The following GTSE1 variants were observed in gnomAD, a reference collection of about 807,000 sequenced individuals.
GTSE1 encodes the protein G2 and S-phase expressed 1.
In GTSE1, 52 loss-of-function variants were observed where a neutral mutation model predicts 60.5. The observed-to-expected ratio is 0.86, with a 90% CI of 0.69 to 1.08. The LOEUF (loss-of-function observed/expected upper bound fraction) is 1.08, where lower values mean the gene tolerates loss of function less well. Ranked by LOEUF, GTSE1 falls within the 50% of genes least tolerant of loss-of-function variation. GTSE1 has a pLI of 0.00. For missense variants in GTSE1, 937 were observed against 961.8 expected, an observed-to-expected ratio of 0.97 and a Z score of 0.34; for synonymous variants, 368 against 386.5, an observed-to-expected ratio of 0.95 and a Z score of 0.56.
chr22:46,301,400 A>T (rs2077688242), intron 2 of GTSE1, among the ~76,000 whole-genome samples: 1 of 152,124 alleles, frequency 6.6e-6, no homozygotes, highest in African/African-American at 2.4e-5. Flanking sequence ...CTCTTTCCCC[A>T]CAACCTTGCC....
rs186208806 is a variant in GTSE1 at position 46,324,208 on chromosome 22, C to T, written c.1505+946C>T. On this transcript the variant is annotated intron_variant, in intron 8 of 11. Coordinates refer to ENST00000454366, the MANE Select transcript of GTSE1 (RefSeq NM_016426.7). This position sits in a 1 kb window ranked among gnomAD's most constrained non-coding sequence, Gnocchi z 5.2. Reference sequence around the variant, plus strand: ...GAACTAGCCAGTCCCTCACGTGCTGCGCATGGTGCCATGCTAAGCTGCCGT... The same window carrying T: ...GAACTAGCCAGTCCCTCACGTGCTGTGCATGGTGCCATGCTAAGCTGCCGT... Among the ~76,000 whole-genome samples the T allele has an allele frequency of 4.6e-5, 7 of 152,262 alleles. No homozygotes were observed. The highest frequency in any genetic ancestry group is 6.5e-5 in the Admixed American group (1 of 15,288).
At position 46,329,228 on chromosome 22, in the gene GTSE1, C is replaced by A; in HGVS notation, c.1927-130C>A. 1 of 801,204 alleles carries A rather than the reference C, an allele frequency of 1.2e-6. No homozygotes were observed. Among genetic ancestry groups the A allele is most frequent in the Non-Finnish European group, 2.2e-6 (1 of 464,844 alleles). The allele number at this position is 801,204 out of a possible 1,614,324, so 49.6% of individuals were successfully genotyped here. On this transcript the variant is annotated intron_variant, in intron 10 of 11. Coordinates refer to ENST00000454366, the MANE Select transcript of GTSE1 (RefSeq NM_016426.7). The surrounding 1 kb of genome is among the most constrained non-coding windows in gnomAD (Gnocchi z 6.4). ...CACCCCATACAGAGCCTCCTTCCAC[C>A]AAGGCCCCGCCTGATTCCTTGGCTT...
Position 46,329,129 on chromosome 22 carries a change from G to C in GTSE1, c.1927-229G>C. 1 of 626,056 alleles carries C rather than the reference G, an allele frequency of 1.6e-6. No homozygotes were observed. Among genetic ancestry groups the C allele is most frequent in the Non-Finnish European group, 2.8e-6 (1 of 354,920 alleles). The allele number at this position is 626,056 out of a possible 1,614,324, so 38.8% of individuals were successfully genotyped here. A position where few individuals can be genotyped will look rare whatever the true frequency, so the allele number is the denominator to read the frequency against. On this transcript the variant is annotated intron_variant, in intron 10 of 11. Coordinates refer to ENST00000454366, the MANE Select transcript of GTSE1 (RefSeq NM_016426.7). This position sits in a 1 kb window ranked among gnomAD's most constrained non-coding sequence, Gnocchi z 6.4. ...ATCAAAGCTGAGGAAGCGGGAAGCAGGGTGGCAGGAGCTGGTGGCTGCTGG... is the reference window on the plus strand; with the variant it reads ...ATCAAAGCTGAGGAAGCGGGAAGCACGGTGGCAGGAGCTGGTGGCTGCTGG...
intron 9 of GTSE1, 86 bp downstream of exon 9, chr22:46,326,740 C>G: frequency 1.1e-6 from 1 of 934,688 alleles, no homozygotes; most frequent in Non-Finnish European, 1.6e-6. Context: ...TTGCCTTGCT[C>G]CAGGTTTTAG....
In GTSE1 at chr22:46,313,943, A is replaced by C. The variant is rs554319285; in HGVS notation, c.981A>C (p.Ala327=). Residue 327 remains alanine, a synonymous_variant, in exon 6 of 12, where the codon GCA becomes GCC. Coordinates refer to ENST00000454366, the MANE Select transcript of GTSE1 (RefSeq NM_016426.7). The surrounding 1 kb of genome is among the most constrained non-coding windows in gnomAD (Gnocchi z 4.4). ...LKAPGSTSNL[A]RKSSSGPVWS... is the part of the protein sequence containing the mutation. ...CACCCGGCTCTACCAGCAATCTCGC[A>C]AGGAAGTCCTCCTCGGGGCCTGTTT... 2 of 1,614,226 alleles carry C rather than the reference A, an allele frequency of 1.2e-6. No homozygotes were observed. The highest frequency in any genetic ancestry group is 2.2e-5 in the South Asian group (2 of 91,088).
At chr22:46,298,578 G>T (rs908381096) in intron 2 of GTSE1, among the ~76,000 whole-genome samples, 1 of 152,124 alleles carries the variant, frequency 6.6e-6, no homozygotes, top group Admixed American at 6.6e-5. Flanking sequence ...AAAGTACTGG[G>T]ATTACAGGTG....
rs1434376015 is a variant in GTSE1 at position 46,314,210 on chromosome 22, A to G, written c.1051+197A>G. 6.6e-6 allele frequency among the ~76,000 whole-genome samples: 1 copy of G among 152,190 alleles called. No homozygotes were observed. Among genetic ancestry groups the G allele is most frequent in the Admixed American group, 6.5e-5 (1 of 15,272 alleles). Reference sequence around the variant, plus strand: ...AGTGCCTCTGTCCCATGAGGAGGGCACACTCAGATGGGTGGCTTCAGTCTA... The same window carrying G: ...AGTGCCTCTGTCCCATGAGGAGGGCGCACTCAGATGGGTGGCTTCAGTCTA... On this transcript the variant is annotated intron_variant, in intron 6 of 11. Transcript: ENST00000454366. This position sits in a 1 kb window ranked among gnomAD's most constrained non-coding sequence, Gnocchi z 7.1.
intron 5 of GTSE1, among the ~76,000 whole-genome samples, chr22:46,312,726 GC>G (rs2077756065): frequency 6.6e-6 from 1 of 151,936 alleles, no homozygotes; most frequent in South Asian, 2.1e-4. Flanking sequence ...TACTGGCTTC[GC>G]AGTGTGCACT....
intron 2 of GTSE1, among the ~76,000 whole-genome samples, chr22:46,302,399 T>C (rs12170063): frequency 0.036 from 5,520 of 152,228 alleles, 339 homozygotes; most frequent in African/African-American, 0.13. Context: ...TTCTGAGACA[T>C]GTTCTTGTTC....
rs762682905 is a variant in GTSE1 at position 46,314,870 on chromosome 22, A to G, written c.1051+857A>G. ...CGTCTCAAAAAAAAAAAAAAAAATGATAAGTGTGAACTCTCTAATCAGATT... is the reference window on the plus strand; with the variant it reads ...CGTCTCAAAAAAAAAAAAAAAAATGGTAAGTGTGAACTCTCTAATCAGATT... On this transcript the variant is annotated intron_variant, in intron 6 of 11. Coordinates refer to ENST00000454366, the MANE Select transcript of GTSE1 (RefSeq NM_016426.7). The surrounding 1 kb of genome is among the most constrained non-coding windows in gnomAD (Gnocchi z 7.1). Among the ~76,000 whole-genome samples, 81 of 150,958 alleles carry G rather than the reference A, an allele frequency of 5.4e-4. No homozygotes were observed. Among genetic ancestry groups the G allele is most frequent in the Non-Finnish European group, 7.5e-4 (51 of 67,872 alleles).
rs949760448 is a variant in GTSE1, at chr22:46,329,929, C to T, written c.2137-118C>T. Reference sequence around the variant, plus strand: ...GTGGCCCAGAGTGCTTTTCAGTGCACCCGAGCCAGGATGAGCGAGTGGCTG... The same window carrying T: ...GTGGCCCAGAGTGCTTTTCAGTGCATCCGAGCCAGGATGAGCGAGTGGCTG... On this transcript the variant is annotated intron_variant, in intron 11 of 11. Transcript: ENST00000454366. This position sits in a 1 kb window ranked among gnomAD's most constrained non-coding sequence, Gnocchi z 6.4. 15 of 702,218 alleles carry T rather than the reference C, an allele frequency of 2.1e-5. No individual in the cohort carries two copies. The highest frequency in any genetic ancestry group is 3.5e-5 in the African/African-American group (2 of 57,308). The allele number at this position is 702,218 out of a possible 1,614,324, so 43.5% of individuals were successfully genotyped here. A position where few individuals can be genotyped will look rare whatever the true frequency, so the allele number is the denominator to read the frequency against.
Position 46,316,211 on chromosome 22 carries a change from A to G in GTSE1, c.1231A>G (p.Thr411Ala). 6.2e-7 allele frequency: 1 copy of G among 1,613,722 alleles called. No individual in the cohort carries two copies. Residue 411 changes from threonine (T) to alanine (A), a missense_variant, in exon 7 of 12, where the codon ACG (threonine) becomes GCG (alanine). By Grantham distance (58) the Thr-to-Ala change is moderately conservative. Coordinates refer to ENST00000454366, the MANE Select transcript of GTSE1 (RefSeq NM_016426.7). This position sits in a 1 kb window ranked among gnomAD's most constrained non-coding sequence, Gnocchi z 5.0. Reference protein sequence around the residue: ...DVSELAAEQLTAPPSASPTQP... With the variant: ...DVSELAAEQLAAPPSASPTQP... ...TTCTGAGCTGGCAGCGGAGCAGCTC[A>G]CGGCACCCCCCTCAGCATCCCCCAC...
chr22:46,329,439 A>G lies in GTSE1; in HGVS notation c.2008A>G (p.Ile670Val), dbSNP rs780819658. 6.2e-7 allele frequency: 1 copy of G among 1,614,138 alleles called. No homozygotes were observed. Among genetic ancestry groups the G allele is most frequent in the South Asian group, 1.1e-5 (1 of 91,088 alleles). Residue 670 changes from isoleucine (I) to valine (V), a missense_variant, in exon 11 of 12, where the codon ATC (isoleucine) becomes GTC (valine). By Grantham distance (29) the Ile-to-Val change is conservative. Transcript: ENST00000454366. This position sits in a 1 kb window ranked among gnomAD's most constrained non-coding sequence, Gnocchi z 6.4. ...CCAGCCCCTCATTGACCTTCCTCTCATCGACTTCTGCGATACCCCAGAAGC... is the reference window on the plus strand; with the variant it reads ...CCAGCCCCTCATTGACCTTCCTCTCGTCGACTTCTGCGATACCCCAGAAGC... ...ASQPLIDLPL[I>V]DFCDTPEAHV... is the part of the protein sequence containing the mutation.
Position 46,329,978 on chromosome 22 carries a change from C to A in GTSE1, c.2137-69C>A. The A allele has an allele frequency of 1.0e-6, 1 of 954,124 alleles. No homozygotes were observed. Among genetic ancestry groups the A allele is most frequent in the Admixed American group, 1.7e-5 (1 of 57,888 alleles). The allele number at this position is 954,124 out of a possible 1,614,324, so 59.1% of individuals were successfully genotyped here. A position where few individuals can be genotyped will look rare whatever the true frequency, so the allele number is the denominator to read the frequency against. ...TGTGATGACCCACGCAGCCAGTCCT[C>A]TGTGCAGGGAGGGGAAGGGAGGCCC... On this transcript the variant is annotated intron_variant, in intron 11 of 11. Coordinates refer to ENST00000454366, the MANE Select transcript of GTSE1 (RefSeq NM_016426.7). This position sits in a 1 kb window ranked among gnomAD's most constrained non-coding sequence, Gnocchi z 6.4.
In GTSE1 at chr22:46,318,540, G is replaced by A. The variant is rs2077793752; in HGVS notation, c.1432+2128G>A. On this transcript the variant is annotated intron_variant, in intron 7 of 11. Transcript: ENST00000454366. This position sits in a 1 kb window ranked among gnomAD's most constrained non-coding sequence, Gnocchi z 4.8. Reference sequence around the variant, plus strand: ...GGGACTAAGGGAAGATGGTGTCCTGGAGCTGGCATGTTTGGGGAGGAATTT... The same window carrying A: ...GGGACTAAGGGAAGATGGTGTCCTGAAGCTGGCATGTTTGGGGAGGAATTT... Among the ~76,000 whole-genome samples, 1 of 152,194 alleles carries A rather than the reference G, an allele frequency of 6.6e-6. No individual in the cohort carries two copies. Among genetic ancestry groups the A allele is most frequent in the Non-Finnish European group, 1.5e-5 (1 of 68,048 alleles).
Position 46,329,154 on chromosome 22 carries a change from G to A in GTSE1, c.1927-204G>A, listed in dbSNP as rs769707430. On this transcript the variant is annotated intron_variant, in intron 10 of 11. Coordinates refer to ENST00000454366, the MANE Select transcript of GTSE1 (RefSeq NM_016426.7). This position sits in a 1 kb window ranked among gnomAD's most constrained non-coding sequence, Gnocchi z 6.4. The stretch of plus-strand genomic sequence containing the variant: ...GGGTGGCAGGAGCTGGTGGCTGCTG[G>A]TGAGCGGGTATGGACAGGGAGGTGG... The A allele has an allele frequency of 8.3e-5, 53 of 637,138 alleles. No homozygotes were observed. Among genetic ancestry groups the A allele is most frequent in the Non-Finnish European group, 1.4e-4 (50 of 360,840 alleles). 39.5% of individuals were successfully genotyped at this position (637,138 alleles called of 1,614,324 possible).
At chr22:46,303,682 C>G (rs543453518) in intron 2 of GTSE1, among the ~76,000 whole-genome samples, 8 of 152,250 alleles carry the variant, frequency 5.3e-5, no homozygotes, top group African/African-American at 1.9e-4. Flanking sequence ...AAATGGTAGT[C>G]GTAGGTGTGC....
chr22:46,300,103 T>G (rs1040960676), intron 2 of GTSE1, among the ~76,000 whole-genome samples: 5 of 150,518 alleles, frequency 3.3e-5, no homozygotes, highest in African/African-American at 1.2e-4. Context: ...GTGCTCAGCC[T>G]TTTTTTTCTT....
chr22:46,326,627 C>T lies in GTSE1; in HGVS notation c.1697C>T (p.Ser566Phe), dbSNP rs1476278959. 3 of 1,612,394 alleles carry T rather than the reference C, an allele frequency of 1.9e-6. No homozygotes were observed. The highest frequency in any genetic ancestry group is 2.5e-6 in the Non-Finnish European group (3 of 1,179,202). Reference protein sequence around the residue: ...PLCVPARRRSSEPRKNSAMRT... With the variant: ...PLCVPARRRSFEPRKNSAMRT... ...TGTGTGCCAGCTCGGAGACGTTCCT[C>T]TGAGCCCCGCAAGAACTCTGCAATG... Residue 566 changes from serine (S) to phenylalanine (F), a missense_variant, in exon 9 of 12, where the codon TCT (serine) becomes TTT (phenylalanine). Ser to Phe is a radical substitution (Grantham distance 155). Coordinates refer to ENST00000454366, the MANE Select transcript of GTSE1 (RefSeq NM_016426.7).
Sources: allele counts gnomAD v4.1 joint callset (sites outside exome capture counted in the v4.1 genomes callset), GRCh38; gene constraint gnomAD v4.1.1; non-coding constraint Gnocchi (gnomAD v3.1); transcripts MANE v1.5; gene names NCBI Gene and HGNC (gene_info 2026-07-23, HGNC 2026-07-21).